The following TMEM135 variants were observed in gnomAD, a reference collection of about 807,000 sequenced individuals.
TMEM135 encodes transmembrane protein 135.
TMEM135 carries 30 observed loss-of-function variants against 60.3 expected under a neutral mutation model. The observed-to-expected ratio is 0.50, with a 90% CI of 0.37 to 0.68. The LOEUF is 0.68. TMEM135 is among the 30% of genes least tolerant of loss of function. The probability of loss-of-function intolerance (pLI) is 0.00; values close to 1 mark genes in which losing one functional copy is unlikely to be tolerated. For synonymous variants in TMEM135, 190 were observed against 186.7 expected (o/e 1.02, Z -0.14); for missense variants, 468 against 548.8 (o/e 0.85, Z 1.47).
intron 1 of TMEM135, among the ~76,000 whole-genome samples, chr11:87,057,712 C>T (rs535161520): frequency 1.3e-5 from 2 of 151,938 alleles, no homozygotes; most frequent in Non-Finnish European, 2.9e-5. Flanking sequence ...GCTTTTGTAG[C>T]TTATGATTCT....
intron 5 of TMEM135, among the ~76,000 whole-genome samples, chr11:87,210,490 G>A (rs301590): frequency 0.8 from 121,131 of 152,078 alleles, 48,853 homozygotes; most frequent in African/African-American, 0.83. Flanking sequence ...TGAACATACT[G>A]ATGATGAGTT....
intron 5 of TMEM135, among the ~76,000 whole-genome samples, chr11:87,167,537 A>C (rs1219359021): frequency 6.6e-6 from 1 of 152,146 alleles, no homozygotes; most frequent in Non-Finnish European, 1.5e-5. Context: ...AGTTTTATCA[A>C]AGGCCTTTTC....
At chr11:87,190,951 C>A (rs192393919) in intron 5 of TMEM135, among the ~76,000 whole-genome samples, 11 of 152,232 alleles carry the variant, frequency 7.2e-5, no homozygotes, top group Non-Finnish European at 1.3e-4. Context: ...TTACTTGGTT[C>A]ATTAACTACA....
chr11:87,291,563 A>C (rs1942263966), intron 6 of TMEM135, among the ~76,000 whole-genome samples: 2 of 105,502 alleles, frequency 1.9e-5, no homozygotes, highest in Non-Finnish European at 3.5e-5. Context: ...ACAGAGTCTC[A>C]CTCTGTCACC....
intron 6 of TMEM135, among the ~76,000 whole-genome samples, chr11:87,252,130 C>T (rs1319687668): frequency 1.3e-5 from 2 of 151,940 alleles, no homozygotes; most frequent in Non-Finnish European, 2.9e-5. Flanking sequence ...CTTTCTTGTC[C>T]CCTTCCTACC....
chr11:87,209,432 A>G (rs757401926), intron 5 of TMEM135, among the ~76,000 whole-genome samples: 1 of 152,204 alleles, frequency 6.6e-6, no homozygotes. Flanking sequence ...TAAACTAGTA[A>G]TGATCAGAAA....
chr11:87,100,723 G>T (rs145432688), intron 4 of TMEM135, among the ~76,000 whole-genome samples: 1 of 152,100 alleles, frequency 6.6e-6, no homozygotes, highest in Non-Finnish European at 1.5e-5. Context: ...TTAGCCAGGC[G>T]TGGTGGCATG....
intron 1 of TMEM135, among the ~76,000 whole-genome samples, chr11:87,054,822 A>C (rs1203091363): frequency 1.3e-5 from 2 of 152,104 alleles, no homozygotes; most frequent in African/African-American, 4.8e-5. Flanking sequence ...CGTATGTCAG[A>C]AACTCTCAAG....
chr11:87,264,264 T>C (rs1327989484), intron 6 of TMEM135, among the ~76,000 whole-genome samples: 5 of 151,076 alleles, frequency 3.3e-5, no homozygotes, highest in African/African-American at 7.3e-5. Flanking sequence ...TCTCTTTTTT[T>C]CTCCTCTCCT....
intron 3 of TMEM135, among the ~76,000 whole-genome samples, chr11:87,087,290 CAAAAAA>C (rs111844297): frequency 7.5e-6 from 1 of 133,534 alleles, no homozygotes; most frequent in Admixed American, 7.3e-5. Flanking sequence ...GTCTTATTTT[CAAAAAA>C]AAAAAAAAAA....
intron 3 of TMEM135, 50 bp from the exon 4 acceptor site, chr11:87,091,312 T>G: frequency 6.7e-7 from 1 of 1,490,136 alleles, no homozygotes; most frequent in Non-Finnish European, 9.3e-7. Context: ...GATAAAGTGA[T>G]TACTAAGTCA....
intron 3 of TMEM135, among the ~76,000 whole-genome samples, chr11:87,078,053 A>G (rs1433487578): frequency 6.6e-6 from 1 of 152,122 alleles, no homozygotes; most frequent in Non-Finnish European, 1.5e-5. Context: ...TTGTGGACAC[A>G]TTTTTGTGTG....
rs1043590298 is a variant in TMEM135 at position 87,328,277 on chromosome 11, A to G, written c.*6944A>G. 2 of 453,922 alleles carry G rather than the reference A, an allele frequency of 4.4e-6. No individual in the cohort carries two copies. Among genetic ancestry groups the G allele is most frequent in the African/African-American group, 4.0e-5 (2 of 49,988 alleles). The allele number at this position is 453,922 out of a possible 1,614,324, so 28.1% of individuals were successfully genotyped here. On this transcript the variant is annotated 3_prime_UTR_variant, in exon 15 of 15. Coordinates refer to ENST00000305494, the MANE Select transcript of TMEM135 (RefSeq NM_022918.4). ...TTCTGTGTATGCTAAAATACTGTCA[A>G]TCTCGTCTTTGAAGGTTTTGCTCAT... is the stretch of plus-strand genomic sequence containing the variant.
intron 3 of TMEM135, among the ~76,000 whole-genome samples, chr11:87,088,064 C>A (rs1379248136): frequency 6.6e-6 from 1 of 152,040 alleles, no homozygotes; most frequent in Non-Finnish European, 1.5e-5. Context: ...AAGCTGAGCC[C>A]AGCCATGGGT....
intron 4 of TMEM135, among the ~76,000 whole-genome samples, chr11:87,104,452 T>C (rs1051659990): frequency 6.6e-6 from 1 of 152,236 alleles, no homozygotes; most frequent in African/African-American, 2.4e-5. Flanking sequence ...TAAAGATTGC[T>C]TTTTCTATTT....
At chr11:87,079,382 G>A (rs1856939460) in intron 3 of TMEM135, among the ~76,000 whole-genome samples, 1 of 152,150 alleles carries the variant, frequency 6.6e-6, no homozygotes. Context: ...ATTTTCGTCG[G>A]TAGTGTGAAG....
intron 6 of TMEM135, among the ~76,000 whole-genome samples, chr11:87,274,716 C>G (rs979212873): frequency 6.6e-6 from 1 of 151,282 alleles, no homozygotes; most frequent in Admixed American, 6.6e-5. Context: ...ATTCCAGCAG[C>G]TCAGGAGACT....
chr11:87,166,888 C>A (rs978633313), intron 5 of TMEM135, among the ~76,000 whole-genome samples: 2 of 152,084 alleles, frequency 1.3e-5, no homozygotes, highest in Admixed American at 1.3e-4. Context: ...CTGTAAATTA[C>A]TTTGGGCAAT....
Position 87,189,349 on chromosome 11 carries a change from C to T in TMEM135, c.462+31943C>T, listed in dbSNP as rs564644315. 1.7e-3 allele frequency among the ~76,000 whole-genome samples: 260 copies of T among 152,036 alleles called. 1 individual carries two copies. Among genetic ancestry groups the T allele is most frequent in the African/African-American group, 5.7e-3 (238 of 41,496 alleles). ...CTAATTTTTATATTTTTAGTAGAGACGGGGTTTTACCATGTTGGCCAGGCT... is the reference window on the plus strand; with the variant it reads ...CTAATTTTTATATTTTTAGTAGAGATGGGGTTTTACCATGTTGGCCAGGCT... On this transcript the variant is annotated intron_variant, in intron 5 of 14. Coordinates refer to ENST00000305494, the MANE Select transcript of TMEM135 (RefSeq NM_022918.4).
Sources: gnomAD v4.1 joint callset for allele counts (sites outside exome capture counted in the v4.1 genomes callset) on GRCh38, gnomAD v4.1.1 for gene constraint, MANE v1.5 for transcripts, NCBI Gene and HGNC (gene_info 2026-07-23, HGNC 2026-07-21) for gene names.